The following USP24 variants were observed in gnomAD, a reference collection of about 807,000 sequenced individuals.
USP24 encodes the protein ubiquitin carboxyl-terminal hydrolase 24.
USP24 carries 97 observed loss-of-function variants against 361.6 expected under a neutral mutation model. The ratio of observed to expected loss-of-function variants is 0.27; its 90% CI spans 0.23 to 0.32. USP24 has a LOEUF of 0.32. USP24 is among the 10% of genes least tolerant of loss of function. The probability of loss-of-function intolerance (pLI) is 1.00; values close to 1 mark genes in which losing one functional copy is unlikely to be tolerated. For synonymous variants in USP24, 1,098 were observed against 1,124.6 expected (o/e 0.98, Z 0.47); for missense variants, 2,353 against 3,165.6 (o/e 0.74, Z 6.16).
chr1:55,102,793 TAAG>T (rs1243653047), intron 42 of USP24, among the ~76,000 whole-genome samples: 1 of 152,162 alleles, frequency 6.6e-6, no homozygotes, highest in Admixed American at 6.5e-5. Context: ...AGGAAAAACA[TAAG>T]AAGTTCATTT....
At chr1:55,138,855 A>G (rs1426880309) in intron 25 of USP24, 89 bp downstream of exon 25, 24 of 1,430,172 alleles carry the variant, frequency 1.7e-5, no homozygotes, top group Admixed American at 3.8e-5. Context: ...GGTGTGTGCT[A>G]AACTCCCAGC....
rs867708001 is a variant in USP24, at chr1:55,075,662, A to C, written c.7381-139T>G. On this transcript the variant is annotated intron_variant, in intron 62 of 67. Transcript: ENST00000294383. ...AACAACAACAACAACAACAACAACA[A>C]CAACACCACCACCACCAATACAGGA... 18 of 464,220 alleles carry C rather than the reference A, an allele frequency of 3.9e-5. No individual in the cohort carries two copies. The African/African-American group carries it at 8.7e-4, about 23-fold the overall frequency. The allele number at this position is 464,220 out of a possible 1,614,324, so 28.8% of individuals were successfully genotyped here.
At position 55,144,134 on chromosome 1, in the gene USP24, G is replaced by A; in HGVS notation, c.2432C>T (p.Ala811Val). 1 of 1,604,800 alleles carries A rather than the reference G, an allele frequency of 6.2e-7. No homozygotes were observed. Among genetic ancestry groups the A allele is most frequent in the Non-Finnish European group, 8.5e-7 (1 of 1,176,362 alleles). The change falls in exon 21 of 68, where the codon GCT (alanine) becomes GTT (valine). Residue 811 changes from alanine to valine, a missense_variant. By Grantham distance (64) the Ala-to-Val change is moderately conservative. Coordinates refer to ENST00000294383, the MANE Select transcript of USP24 (RefSeq NM_015306.3). ...LCDHRLKRQG[A>V]QLYVEKLELI... The stretch of plus-strand genomic sequence containing the variant: ...TGAGAATAACGTACTTACCAACTGA[G>A]CTCCTTGTCTTTTCAATCGATGATC...
At chr1:55,177,927 A>C in intron 2 of USP24, 40 bp downstream of exon 2, 1 of 1,527,674 alleles carries the variant, frequency 6.5e-7, no homozygotes, top group Non-Finnish European at 8.8e-7. Flanking sequence ...GCCTTCTATG[A>C]AACAAATGTC....
At chr1:55,115,670 T>C (rs1646093425) in intron 38 of USP24, among the ~76,000 whole-genome samples, 1 of 152,130 alleles carries the variant, frequency 6.6e-6, no homozygotes, top group Non-Finnish European at 1.5e-5. Flanking sequence ...TCACTGGATA[T>C]ATACCCAAAG....
chr1:55,108,722 A>C (rs1293124378), intron 39 of USP24, among the ~76,000 whole-genome samples: 1 of 152,196 alleles, frequency 6.6e-6, no homozygotes, highest in Non-Finnish European at 1.5e-5. Flanking sequence ...TCGTTCACTC[A>C]TTTCAAAGTT....
At position 55,107,143 on chromosome 1, in the gene USP24, C is replaced by A. The variant is rs893106648; in HGVS notation, c.4762+96G>T. 2.1e-6 allele frequency: 3 copies of A among 1,409,414 alleles called. No individual in the cohort carries two copies. In the African/African-American group the frequency reaches 4.4e-5, roughly 20 times the overall value. The allele number at this position is 1,409,414 out of a possible 1,614,324, so 87.3% of individuals were successfully genotyped here. On this transcript the variant is annotated intron_variant, in intron 40 of 67. Coordinates refer to ENST00000294383, the MANE Select transcript of USP24 (RefSeq NM_015306.3). ...TGTGAAGGGTCAATTTTCCATGGAA[C>A]ACTTGGCATCTATCTTATTTTCCCA...
rs746794254 is a variant in USP24 at position 55,162,166 on chromosome 1, C to T, written c.993+33G>A. ...TTATTACTGTTTGCATGTCTTCAATCATATGAAGTAATGTGAAATGGTTTA... is the reference window on the plus strand; with the variant it reads ...TTATTACTGTTTGCATGTCTTCAATTATATGAAGTAATGTGAAATGGTTTA... On this transcript the variant is annotated intron_variant, in intron 8 of 67. Transcript: ENST00000294383. 5 of 1,561,784 alleles carry T rather than the reference C, an allele frequency of 3.2e-6. No homozygotes were observed. In the East Asian group the frequency reaches 7.2e-5, roughly 22 times the overall value.
At chr1:55,093,798 A>T in intron 52 of USP24, 139 bp downstream of exon 52, 1 of 1,234,686 alleles carries the variant, frequency 8.1e-7, no homozygotes, top group African/African-American at 1.5e-5. Flanking sequence ...TCGTGGCATA[A>T]AAGGTTCATG....
intron 12 of USP24, 50 bp downstream of exon 12, chr1:55,156,898 T>C (rs561708041): frequency 1.5e-6 from 2 of 1,365,736 alleles, no homozygotes; most frequent in Non-Finnish European, 1.0e-6. Flanking sequence ...TTCGCTCTCC[T>C]GTAGTCCAAA....
rs1647382358 is a variant in USP24 at position 55,154,170 on chromosome 1, T to C, written c.1761A>G (p.Lys587=). 6.2e-7 allele frequency: 1 copy of C among 1,613,688 alleles called. No homozygotes were observed. Among genetic ancestry groups the C allele is most frequent in the Admixed American group, 1.7e-5 (1 of 59,972 alleles). The part of the protein sequence containing the change: ...LTILSDAYAV[K]EAIKRSYIIK... The stretch of plus-strand genomic sequence containing the variant: ...TGATGTAGCTCCTCTTGATTGCTTC[T>C]TTCACTGCATATGCATCACTAAGGA... The change falls in exon 15 of 68, where the codon AAA becomes AAG. Residue 587 remains lysine, a synonymous_variant. Transcript: ENST00000294383.
chr1:55,190,821 T>C (rs890689751), intron 1 of USP24, among the ~76,000 whole-genome samples: 3 of 152,148 alleles, frequency 2.0e-5, no homozygotes, highest in Non-Finnish European at 4.4e-5. Context: ...AGAACAAACC[T>C]GTACACAGTT....
At chr1:55,207,627 A>C (rs974366795) in intron 1 of USP24, among the ~76,000 whole-genome samples, 2 of 152,254 alleles carry the variant, frequency 1.3e-5, no homozygotes, top group African/African-American at 4.8e-5. Flanking sequence ...TATTATGAGT[A>C]ATCTAGGGAT....
Position 55,134,397 on chromosome 1 carries a change from C to T in USP24, c.3218G>A (p.Gly1073Asp). 6.2e-7 allele frequency: 1 copy of T among 1,611,238 alleles called. No homozygotes were observed. The highest frequency in any genetic ancestry group is 8.5e-7 in the Non-Finnish European group (1 of 1,177,876). Residue 1073 changes from glycine (G) to aspartate (D), a missense_variant, in exon 29 of 68, where the codon GGT becomes GAT. Around this residue, in one of 8 missense-constraint regions of USP24, gnomAD observed 949 missense variants for 1,280.5 expected, o/e 0.74. Transcript: ENST00000294383. ...GTTACATACGAGAGCCATCACTACA[C>T]CAGGGAGGGATTTCTCCTGATGGAA... The part of the protein sequence containing the change: ...YAMEQEKSLP[G>D]VVMALVCNVF...
intron 1 of USP24, among the ~76,000 whole-genome samples, chr1:55,183,452 C>A (rs1217202978): frequency 6.6e-6 from 1 of 152,148 alleles, no homozygotes; most frequent in African/African-American, 2.4e-5. Flanking sequence ...AAGGTTACTT[C>A]TCTGTAAATG....
chr1:55,159,462 A>G, intron 9 of USP24, 149 bp downstream of exon 9: 1 of 667,140 alleles, frequency 1.5e-6, no homozygotes, highest in Non-Finnish European at 2.5e-6. Flanking sequence ...CAGAAACAGC[A>G]CTTTTTAATT....
intron 16 of USP24, 23 bp from the exon 17 acceptor site, chr1:55,148,593 T>G: frequency 6.7e-7 from 1 of 1,485,826 alleles, no homozygotes; most frequent in Non-Finnish European, 9.1e-7. Flanking sequence ...AGAAGTTACA[T>G]TAATTAAATT....
chr1:55,079,682 A>C, intron 59 of USP24, 23 bp from the exon 60 acceptor site: 1 of 1,517,556 alleles, frequency 6.6e-7, no homozygotes, highest in Non-Finnish European at 8.7e-7. Context: ...AAAGAAACAA[A>C]ACAGAACCTG....
In USP24 at chr1:55,157,383, G is replaced by A; in HGVS notation, c.1228-13C>T. ...TTAGTTTGGTTACCTAAAAAGATAA[G>A]ATTATTGTGACTGAGTCTAATATAC... On this transcript the variant is annotated splice_polypyrimidine_tract_variant and intron_variant, in intron 10 of 67. Transcript: ENST00000294383. The A allele has an allele frequency of 1.4e-6, 2 of 1,439,902 alleles. No homozygotes were observed. The allele number at this position is 1,439,902 out of a possible 1,614,324, so 89.2% of individuals were successfully genotyped here. A position where few individuals can be genotyped will look rare whatever the true frequency, so the allele number is the denominator to read the frequency against.
Sources: allele counts gnomAD v4.1 joint callset (sites outside exome capture counted in the v4.1 genomes callset), GRCh38; gene constraint gnomAD v4.1.1; regional missense constraint gnomAD v4.1.1; transcripts MANE v1.5; gene names NCBI Gene and HGNC (gene_info 2026-07-23, HGNC 2026-07-21).